Variants in PM20D2 observed in about 807,000 individuals in gnomAD.
PM20D2 encodes xaa-Arg dipeptidase.
Under a neutral mutation model 42.9 loss-of-function variants are expected in PM20D2, and 33 were observed. That is an observed-to-expected ratio of 0.77 (90% confidence interval 0.58 to 1.03). PM20D2 has a LOEUF of 1.03. Ranked by LOEUF, PM20D2 falls within the 50% of genes least tolerant of loss-of-function variation. The pLI is 0.00. For synonymous variants in PM20D2, 250 were observed against 228.2 expected, an observed-to-expected ratio of 1.10 and a Z score of -0.86; for missense variants, 548 against 557.0, an observed-to-expected ratio of 0.98 and a Z score of 0.16.
At chr6:89,124,283 T>G in the PM20D2 span, among the ~76,000 whole-genome samples, 1 of 152,326 alleles carries the variant, frequency 6.6e-6, no homozygotes, top group African/African-American at 2.4e-5. Context: ...TGGTGGTGTG[T>G]GCCTGTAGTT....
chr6:89,140,094 C>A, the PM20D2 span, among the ~76,000 whole-genome samples: 2 of 151,958 alleles, frequency 1.3e-5, no homozygotes, highest in Non-Finnish European at 2.9e-5. Flanking sequence ...TACCACCACA[C>A]CCAGCTGATT....
In PM20D2 at chr6:89,164,423, GTTA is replaced by G. The variant is rs562202182; in HGVS notation, c.*2168_*2170del. 9.2e-5 allele frequency: 14 copies of G among 152,510 alleles called. No individual in the cohort carries two copies. The highest frequency in any genetic ancestry group is 1.9e-4 in the Non-Finnish European group (13 of 67,996). 9.4% of individuals were successfully genotyped at this position (152,510 alleles called of 1,614,324 possible). On this transcript the variant is annotated 3_prime_UTR_variant, in exon 7 of 7. Transcript: ENST00000275072. ...AATTTCTTTGGTTTTTCTATTGCTT[GTTA>G]TTATTATGTAAAAACTGGGTGGCAG...
At chr6:89,148,576 T>G (rs559729296) in intron 1 of PM20D2, 74 of 979,766 alleles carry the variant, frequency 7.6e-5, no homozygotes, top group Non-Finnish European at 8.7e-5. Flanking sequence ...ATCGAATTAG[T>G]AAGTTTGTGT....
the PM20D2 span, among the ~76,000 whole-genome samples, chr6:89,127,434 G>T: frequency 6.6e-6 from 1 of 151,588 alleles, no homozygotes; most frequent in Admixed American, 6.6e-5. Flanking sequence ...GGTTCAAGCA[G>T]TTCTCCTGCC....
chr6:89,095,077 C>T, the PM20D2 span, among the ~76,000 whole-genome samples: 1 of 152,036 alleles, frequency 6.6e-6, no homozygotes, highest in Non-Finnish European at 1.5e-5. Flanking sequence ...AGAGCCTAGA[C>T]CTGAAGCTCT....
At chr6:89,109,011 T>A in the PM20D2 span, among the ~76,000 whole-genome samples, 3 of 152,324 alleles carry the variant, frequency 2.0e-5, no homozygotes, top group South Asian at 6.2e-4. Context: ...TTTCTTTTAC[T>A]TATTCAGAAT....
Position 89,146,518 on chromosome 6 carries a change from G to A in PM20D2, c.374G>A (p.Gly125Asp). The A allele has an allele frequency of 1.3e-6, 2 of 1,515,872 alleles. No individual in the cohort carries two copies. Among genetic ancestry groups the A allele is most frequent in the Non-Finnish European group, 1.8e-6 (2 of 1,139,460 alleles). The allele number at this position is 1,515,872 out of a possible 1,614,324, so 93.9% of individuals were successfully genotyped here. The change falls in exon 1 of 7, where the codon GGC becomes GAC. Residue 125 changes from glycine to aspartate, a missense_variant. By Grantham distance (94) the Gly-to-Asp change is moderately conservative (BLOSUM62 -1). This residue lies in a region of PM20D2 where 470 missense variants were observed against 464.4 expected (regional missense o/e 1.01). Coordinates refer to ENST00000275072, the MANE Select transcript of PM20D2 (RefSeq NM_001010853.3). Reference protein sequence around the residue: ...DALPGIGHACGHNLIAEVGAA... With the variant: ...DALPGIGHACDHNLIAEVGAA... The stretch of plus-strand genomic sequence containing the variant: ...CTGCCCGGCATCGGCCACGCCTGCG[G>A]CCACAACCTCATCGCTGAGGTCGGG...
In PM20D2 at chr6:89,161,862, T is replaced by C. The variant is rs540835741; in HGVS notation, c.1128T>C (p.Asn376=). The change falls in exon 6 of 7, where the codon AAT becomes AAC. Residue 376 remains asparagine, a synonymous_variant. Transcript: ENST00000275072. The part of the protein sequence containing the change: ...PYFHIGSNAL[N]HTEQYTEAAG... ...TTCACATTGGATCTAATGCCTTGAATCATACTGAACAGTACACTGAAGCTG... is the reference window on the plus strand; with the variant it reads ...TTCACATTGGATCTAATGCCTTGAACCATACTGAACAGTACACTGAAGCTG... 4.3e-6 allele frequency: 7 copies of C among 1,613,184 alleles called. No homozygotes were observed. In the East Asian group the frequency reaches 1.6e-4, roughly 36 times the overall value.
chr6:89,154,665 T>C, intron 3 of PM20D2, 83 bp from the exon 4 acceptor site: 2 of 984,024 alleles, frequency 2.0e-6, no homozygotes. Context: ...TATGAACATA[T>C]TGGCTGAAAA....
the PM20D2 span, among the ~76,000 whole-genome samples, chr6:89,138,872 T>G: frequency 6.6e-6 from 1 of 151,786 alleles, no homozygotes; most frequent in African/African-American, 2.4e-5. Flanking sequence ...CTTAGAAAAA[T>G]AAATAAATAA....
the PM20D2 span, chr6:89,098,969 G>C: frequency 6.3e-7 from 1 of 1,586,892 alleles, no homozygotes; most frequent in Admixed American, 1.8e-5. Flanking sequence ...CATAATGTTA[G>C]AGCATATATT....
Position 89,164,710 on chromosome 6 carries a change from CTG to C in PM20D2, c.*2448_*2449del, listed in dbSNP as rs1194202277. On this transcript the variant is annotated 3_prime_UTR_variant, in exon 7 of 7. Coordinates refer to ENST00000275072, the MANE Select transcript of PM20D2 (RefSeq NM_001010853.3). The stretch of plus-strand genomic sequence containing the variant: ...GGTACAAGTTGGAAATTGTAGAAAA[CTG>C]AAAGAAAACAAGACAAAATGTCTAT... 2.6e-5 allele frequency: 4 copies of C among 152,066 alleles called. No individual in the cohort carries two copies. Among genetic ancestry groups the C allele is most frequent in the South Asian group, 4.1e-4 (2 of 4,820 alleles). 9.4% of individuals were successfully genotyped at this position (152,066 alleles called of 1,614,324 possible).
chr6:89,111,206 T>G, the PM20D2 span, among the ~76,000 whole-genome samples: 1 of 152,044 alleles, frequency 6.6e-6, no homozygotes, highest in Non-Finnish European at 1.5e-5. Context: ...CTTCCCAGGT[T>G]CAAGCTATTC....
the PM20D2 span, chr6:89,098,435 A>C: frequency 1.5e-5 from 16 of 1,089,582 alleles, no homozygotes; most frequent in Non-Finnish European, 2.0e-5. Context: ...ATTAATCCAA[A>C]GCTAGAGATT....
chr6:89,118,031 G>T, the PM20D2 span: 1 of 738,096 alleles, frequency 1.4e-6, no homozygotes, highest in Non-Finnish European at 2.0e-6. Flanking sequence ...GCGCGCAGCC[G>T]CAGAGGCCGG....
the PM20D2 span, among the ~76,000 whole-genome samples, chr6:89,103,381 A>G: frequency 1.3e-5 from 2 of 149,512 alleles, no homozygotes; most frequent in African/African-American, 4.9e-5. Context: ...CAGGCTGGAG[A>G]GCAGTGGCGT....
At chr6:89,117,109 G>C in the PM20D2 span, among the ~76,000 whole-genome samples, 2 of 151,918 alleles carry the variant, frequency 1.3e-5, no homozygotes, top group African/African-American at 4.8e-5. Flanking sequence ...TAGTATCTGT[G>C]TTCAGACACT....
chr6:89,154,860 A>G lies in PM20D2; in HGVS notation c.870A>G (p.Ala290=). 6.2e-7 allele frequency: 1 copy of G among 1,609,148 alleles called. No homozygotes were observed. The highest frequency in any genetic ancestry group is 8.5e-7 in the Non-Finnish European group (1 of 1,178,244). The part of the protein sequence containing the change: ...MKELQVLTKK[A]EDCFRAAALA... ...AACTTCAAGTTTTGACCAAAAAGGC[A>G]GAAGATTGCTTCAGAGCTGCAGCTT... The change falls in exon 4 of 7, where the codon GCA becomes GCG. Residue 290 remains alanine (A), a synonymous_variant. Coordinates refer to ENST00000275072, the MANE Select transcript of PM20D2 (RefSeq NM_001010853.3).
At chr6:89,094,839 A>G in the PM20D2 span, among the ~76,000 whole-genome samples, 1 of 148,958 alleles carries the variant, frequency 6.7e-6, no homozygotes. Flanking sequence ...ATCATTTTAC[A>G]GGTAAAGAAA....
Sources: allele counts gnomAD v4.1 joint callset (sites outside exome capture counted in the v4.1 genomes callset), GRCh38; gene constraint gnomAD v4.1.1; regional missense constraint gnomAD v4.1.1; transcripts MANE v1.5; gene names NCBI Gene and HGNC (gene_info 2026-07-23, HGNC 2026-07-21).